ABTB2: variants seen among roughly 807,000 people sequenced by gnomAD.
ABTB2 encodes ankyrin repeat and BTB domain containing 2, also known as ankyrin repeat and BTB/POZ domain-containing protein 2.
Under a neutral mutation model 104.1 loss-of-function variants are expected in ABTB2, and 56 were observed. That is an observed-to-expected ratio of 0.54 (90% CI 0.43 to 0.67). The LOEUF (loss-of-function observed/expected upper bound fraction) is 0.67. Among genes scored for constraint, ABTB2 ranks in the 30% least tolerant of loss-of-function variants. The pLI, the probability that ABTB2 is intolerant of heterozygous loss-of-function variation, is 0.00. For synonymous variants in ABTB2, 606 were observed against 608.2 expected (o/e 1.00, Z 0.05); for missense variants, 1,279 against 1,407.7 (o/e 0.91, Z 1.46).
chr11:34,195,071 C>T (rs1853232380), intron 3 of ABTB2, among the ~76,000 whole-genome samples: 1 of 20,996 alleles, frequency 4.8e-5, no homozygotes, highest in South Asian at 1.1e-3. Context: ...ACAAAGATGC[C>T]CGGCGGGGGG....
At chr11:34,355,112 A>G (rs1564940210) in intron 1 of ABTB2, among the ~76,000 whole-genome samples, 3 of 152,364 alleles carry the variant, frequency 2.0e-5, no homozygotes, top group Non-Finnish European at 1.5e-5. Context: ...CTCCTTTGGC[A>G]GTGCCAGAAT....
intron 1 of ABTB2, among the ~76,000 whole-genome samples, chr11:34,275,301 T>C (rs1854370760): frequency 6.6e-6 from 1 of 152,084 alleles, no homozygotes; most frequent in Non-Finnish European, 1.5e-5. Context: ...TCTCCTCCCC[T>C]CCTGGAATGA....
intron 3 of ABTB2, among the ~76,000 whole-genome samples, chr11:34,180,222 A>G (rs1459207688): frequency 1.3e-5 from 2 of 152,218 alleles, no homozygotes; most frequent in Non-Finnish European, 2.9e-5. Flanking sequence ...CCCAGCTCAT[A>G]AAACAGAGAA....
chr11:34,332,161 C>T (rs925431624), intron 1 of ABTB2, among the ~76,000 whole-genome samples: 5 of 152,314 alleles, frequency 3.3e-5, no homozygotes, highest in East Asian at 1.9e-4. Context: ...TGTAACTTTT[C>T]GCCTCTATTC....
At chr11:34,269,375 TG>T (rs1166756884) in intron 1 of ABTB2, among the ~76,000 whole-genome samples, 4 of 152,172 alleles carry the variant, frequency 2.6e-5, no homozygotes, top group African/African-American at 9.6e-5. Context: ...ATTCCTTGCT[TG>T]GGCCACCCAT....
At chr11:34,268,091 C>T (rs760673946) in intron 1 of ABTB2, among the ~76,000 whole-genome samples, 7 of 152,002 alleles carry the variant, frequency 4.6e-5, no homozygotes, top group Non-Finnish European at 8.8e-5. Context: ...CCACCATGCT[C>T]GGCTAACTTT....
In ABTB2 at chr11:34,251,592, C is replaced by T. The variant is rs142316386; in HGVS notation, c.884-46902G>A. 2.3e-3 allele frequency among the ~76,000 whole-genome samples: 350 copies of T among 152,268 alleles called. 1 individual carries two copies. The highest frequency in any genetic ancestry group is 1.4e-3 in the Non-Finnish European group (92 of 68,020). ...GCACTCTCTGAGCTATAAGAGAGTA[C>T]ATGGAGGGTTCTTTACTTTCTCTCA... On this transcript the variant is annotated intron_variant, in intron 1 of 16. Coordinates refer to ENST00000435224, the MANE Select transcript of ABTB2 (RefSeq NM_145804.3).
intron 14 of ABTB2, among the ~76,000 whole-genome samples, chr11:34,155,606 G>A (rs958375771): frequency 1.3e-5 from 2 of 152,260 alleles, no homozygotes; most frequent in African/African-American, 2.4e-5. Context: ...GGCACAGTCG[G>A]GCTCTGTCAA....
intron 1 of ABTB2, among the ~76,000 whole-genome samples, chr11:34,214,141 C>CACACACAT (rs1365917621): frequency 9.6e-6 from 1 of 104,054 alleles, no homozygotes. Flanking sequence ...ACATTCAAAA[C>CACACACAT]ACACACACAC....
Position 34,323,906 on chromosome 11 carries a change from C to CTTTT in ABTB2, c.883+32791_883+32794dup, listed in dbSNP as rs56375939. Among the ~76,000 whole-genome samples, 189 of 63,906 alleles carry CTTTT rather than the reference C, an allele frequency of 3.0e-3. 2 individuals carry two copies. Among genetic ancestry groups the CTTTT allele is most frequent in the Non-Finnish European group, 3.7e-3 (141 of 37,694 alleles). 41.9% of individuals were successfully genotyped at this position (63,906 alleles called of 152,430 possible). The stretch of plus-strand genomic sequence containing the variant: ...CACTTTACATCAACGTAAATTCCCT[C>CTTTT]TTTTTTTTTTTTTTTTTTTTTTTTT... On this transcript the variant is annotated intron_variant, in intron 1 of 16. Transcript: ENST00000435224.
chr11:34,171,686 A>G (rs776523895), intron 4 of ABTB2, among the ~76,000 whole-genome samples: 5 of 152,286 alleles, frequency 3.3e-5, no homozygotes, highest in Admixed American at 3.3e-4. Flanking sequence ...TGCCCCAAGC[A>G]GGAAGCAGCT....
At chr11:34,156,091 C>G (rs1246809907) in intron 14 of ABTB2, among the ~76,000 whole-genome samples, 1 of 152,234 alleles carries the variant, frequency 6.6e-6, no homozygotes, top group Non-Finnish European at 1.5e-5. Flanking sequence ...TACCAGCCAC[C>G]TTAGGCTGCA....
intron 16 of ABTB2, among the ~76,000 whole-genome samples, chr11:34,153,526 A>T (rs1852577745): frequency 6.6e-6 from 1 of 152,018 alleles, no homozygotes; most frequent in Non-Finnish European, 1.5e-5. Context: ...ACGCCACCAC[A>T]CTCAGCTAGT....
At chr11:34,189,760 T>TA (rs1853148530) in intron 3 of ABTB2, among the ~76,000 whole-genome samples, 1 of 152,188 alleles carries the variant, frequency 6.6e-6, no homozygotes, top group Non-Finnish European at 1.5e-5. Context: ...AAGGCCCAGT[T>TA]AAAAATCCCA....
At chr11:34,199,018 T>C (rs971360450) in intron 2 of ABTB2, among the ~76,000 whole-genome samples, 1 of 152,254 alleles carries the variant, frequency 6.6e-6, no homozygotes, top group East Asian at 1.9e-4. Context: ...TTAACCTTCA[T>C]GCTGCTTCTG....
chr11:34,221,657 A>G (rs565176864), intron 1 of ABTB2, among the ~76,000 whole-genome samples: 1 of 152,306 alleles, frequency 6.6e-6, no homozygotes, highest in South Asian at 2.1e-4. Flanking sequence ...AGGGGGGCTC[A>G]ACGCTCCCCT....
At chr11:34,263,347 G>T (rs772605053) in intron 1 of ABTB2, among the ~76,000 whole-genome samples, 1 of 152,094 alleles carries the variant, frequency 6.6e-6, no homozygotes, top group Non-Finnish European at 1.5e-5. Context: ...AAATAAAATC[G>T]GCTTTTTATT....
intron 1 of ABTB2, among the ~76,000 whole-genome samples, chr11:34,348,335 C>A (rs1482193176): frequency 6.6e-6 from 1 of 152,190 alleles, no homozygotes; most frequent in East Asian, 1.9e-4. Flanking sequence ...TGTACTCTGG[C>A]AGGCTTCTTA....
At chr11:34,339,892 A>G (rs1855241395) in intron 1 of ABTB2, among the ~76,000 whole-genome samples, 1 of 152,116 alleles carries the variant, frequency 6.6e-6, no homozygotes, top group Non-Finnish European at 1.5e-5. Flanking sequence ...CTCTGATTAC[A>G]CTGTTTGACT....
Sources: allele counts gnomAD v4.1 joint callset (sites outside exome capture counted in the v4.1 genomes callset), GRCh38; gene constraint gnomAD v4.1.1; transcripts MANE v1.5; gene names NCBI Gene and HGNC (gene_info 2026-07-23, HGNC 2026-07-21).